The following QKI variants were observed in gnomAD, a reference collection of about 807,000 sequenced individuals.
QKI encodes QKI, KH domain containing RNA binding.
QKI carries 10 observed loss-of-function variants against 39.0 expected under a neutral mutation model. The observed-to-expected ratio is 0.26, with a 90% CI of 0.16 to 0.43. The LOEUF (loss-of-function observed/expected upper bound fraction) is 0.43. Among genes scored for constraint, QKI ranks in the 20% least tolerant of loss-of-function variants. The pLI, the probability that QKI is intolerant of heterozygous loss-of-function variation, is 1.00. For synonymous variants in QKI, 204 were observed against 155.4 expected (o/e 1.31, Z -2.33); for missense variants, 218 against 428.0 (o/e 0.51, Z 4.33).
intron 3 of QKI, among the ~76,000 whole-genome samples, chr6:163,496,046 C>T (rs1222262846): frequency 6.6e-6 from 1 of 152,134 alleles, no homozygotes; most frequent in Non-Finnish European, 1.5e-5. Flanking sequence ...TCGTATCATT[C>T]CCTTTACATT....
intron 1 of QKI, among the ~76,000 whole-genome samples, chr6:163,421,546 TC>T: frequency 6.8e-6 from 1 of 146,758 alleles, no homozygotes. Flanking sequence ...TTTGGTGTGT[TC>T]AGGATAACGA....
intron 1 of QKI, among the ~76,000 whole-genome samples, chr6:163,427,243 C>CTTTTTTT (rs11375326): frequency 1.6e-4 from 14 of 85,794 alleles, no homozygotes; most frequent in South Asian, 4.6e-4. Flanking sequence ...ATACTCGTAC[C>CTTTTTTT]TTTTTTTTTT....
intron 4 of QKI, among the ~76,000 whole-genome samples, chr6:163,535,749 G>A (rs1017257837): frequency 2.0e-5 from 3 of 151,884 alleles, no homozygotes; most frequent in Non-Finnish European, 2.9e-5. Context: ...TGGCCAACAT[G>A]GTGAAACCCC....
intron 2 of QKI, among the ~76,000 whole-genome samples, chr6:163,460,684 T>G (rs1474227837): frequency 6.6e-6 from 1 of 152,148 alleles, no homozygotes; most frequent in Non-Finnish European, 1.5e-5. Context: ...TTCCTTAAAG[T>G]CTTTGTTCCT....
intron 3 of QKI, among the ~76,000 whole-genome samples, chr6:163,489,071 C>G (rs1165168308): frequency 3.4e-5 from 5 of 148,418 alleles, no homozygotes; most frequent in Non-Finnish European, 7.4e-5. Context: ...ATACTCTCAG[C>G]ACTTTTTAAT....
At chr6:163,450,458 C>G (rs953979760) in intron 1 of QKI, among the ~76,000 whole-genome samples, 5 of 152,146 alleles carry the variant, frequency 3.3e-5, no homozygotes, top group Admixed American at 6.5e-5. Context: ...AAGCCAAAGA[C>G]AAACATGAGC....
chr6:163,578,168 T>G lies in QKI; in HGVS notation c.*7458T>G, dbSNP rs567150707. On this transcript the variant is annotated 3_prime_UTR_variant, in exon 8 of 8. Transcript: ENST00000361752. ...TCCTAAAATTGGGATGAAAATCTAC[T>G]GTAGTCTGTTTTAAAGTATGCTATA... is the stretch of plus-strand genomic sequence containing the variant. 2 of 152,154 alleles carry G rather than the reference T, an allele frequency of 1.3e-5. No homozygotes were observed. Among genetic ancestry groups the G allele is most frequent in the African/African-American group, 2.4e-5 (1 of 41,398 alleles). The allele number at this position is 152,154 out of a possible 1,614,324, so 9.4% of individuals were successfully genotyped here. A position where few individuals can be genotyped will look rare whatever the true frequency, so the allele number is the denominator to read the frequency against.
intron 6 of QKI, chr6:163,564,017 T>C: frequency 8.3e-7 from 1 of 1,203,344 alleles, no homozygotes. Context: ...TTCTGAGTTT[T>C]AGGTCCCACC....
chr6:163,443,065 A>G (rs1386219708), intron 1 of QKI, among the ~76,000 whole-genome samples: 1 of 152,196 alleles, frequency 6.6e-6, no homozygotes, highest in East Asian at 1.9e-4. Flanking sequence ...AAGTAAACCA[A>G]CTGTGGTTTA....
At chr6:163,427,489 G>A (rs1417793350) in intron 1 of QKI, among the ~76,000 whole-genome samples, 1 of 151,290 alleles carries the variant, frequency 6.6e-6, no homozygotes. Context: ...TTTGGTGGGG[G>A]GGTCCTCATT....
chr6:163,508,165 T>G (rs751293287), intron 3 of QKI, among the ~76,000 whole-genome samples: 1 of 152,126 alleles, frequency 6.6e-6, no homozygotes, highest in African/African-American at 2.4e-5. Flanking sequence ...GTCTGACATA[T>G]GTATAATTGG....
Position 163,570,895 on chromosome 6 carries a change from T to A in QKI, c.*185T>A. On this transcript the variant is annotated 3_prime_UTR_variant, in exon 8 of 8. Coordinates refer to ENST00000361752, the MANE Select transcript of QKI (RefSeq NM_006775.3). ...AGAAATTGTTGTCCTCCAACTCAGC[T>A]TTTTTTTTTTTTTTTTCCTGTTTGG... 2 of 145,458 alleles carry A rather than the reference T, an allele frequency of 1.4e-5. No homozygotes were observed. The highest frequency in any genetic ancestry group is 4.1e-5 in the African/African-American group (1 of 24,354). 9.0% of individuals were successfully genotyped at this position (145,458 alleles called of 1,614,324 possible).
intron 2 of QKI, among the ~76,000 whole-genome samples, chr6:163,463,867 G>A (rs1791524747): frequency 6.6e-6 from 1 of 152,144 alleles, no homozygotes; most frequent in South Asian, 2.1e-4. Context: ...TGCTACCCAT[G>A]TTTTCTAGCC....
chr6:163,424,433 A>G (rs188750134), intron 1 of QKI, among the ~76,000 whole-genome samples: 9 of 152,292 alleles, frequency 5.9e-5, no homozygotes, highest in Admixed American at 3.3e-4. Flanking sequence ...TTCTTGTACT[A>G]TAGACCTGGG....
At chr6:163,551,020 A>G (rs1180678245) in intron 4 of QKI, among the ~76,000 whole-genome samples, 1 of 151,812 alleles carries the variant, frequency 6.6e-6, no homozygotes, top group African/African-American at 2.4e-5. Flanking sequence ...ATGGCCAGCC[A>G]ATGTGAATGT....
intron 2 of QKI, among the ~76,000 whole-genome samples, chr6:163,459,474 C>T (rs2759395): frequency 0.17 from 26,340 of 152,060 alleles, 2,663 homozygotes; most frequent in Middle Eastern, 0.24. Context: ...ATTACCTGGA[C>T]CCAAATGTCA....
intron 3 of QKI, among the ~76,000 whole-genome samples, chr6:163,513,833 G>A (rs1375104168): frequency 1.3e-5 from 2 of 152,086 alleles, no homozygotes; most frequent in African/African-American, 4.8e-5. Flanking sequence ...CAGAAGCCAT[G>A]CTTTATTATT....
At chr6:163,424,552 C>T (rs1788262460) in intron 1 of QKI, among the ~76,000 whole-genome samples, 1 of 152,146 alleles carries the variant, frequency 6.6e-6, no homozygotes, top group African/African-American at 2.4e-5. Context: ...AACTGCCCTG[C>T]CAACCTCAAA....
intron 4 of QKI, among the ~76,000 whole-genome samples, chr6:163,538,186 A>G (rs1781313955): frequency 6.6e-6 from 1 of 152,234 alleles, no homozygotes; most frequent in Admixed American, 6.5e-5. Flanking sequence ...TGTGGAGGAT[A>G]CACCAATAAT....
Sources: gnomAD v4.1 joint callset for allele counts (sites outside exome capture counted in the v4.1 genomes callset) on GRCh38, gnomAD v4.1.1 for gene constraint, MANE v1.5 for transcripts, NCBI Gene and HGNC (gene_info 2026-07-23, HGNC 2026-07-21) for gene names.